Variants in CCDC141 observed in about 807,000 individuals in gnomAD.
The protein encoded by CCDC141 is coiled-coil domain containing 141, also known as coiled-coil domain-containing protein 141.
CCDC141 carries 168 observed loss-of-function variants against 181.0 expected under a neutral mutation model. That is an observed-to-expected ratio of 0.93 (90% CI 0.82 to 1.05). CCDC141 has a LOEUF of 1.05. CCDC141 is among the 50% of genes least tolerant of loss of function. The pLI is 0.00. For missense variants in CCDC141, 1,902 were observed against 1,788.5 expected, an observed-to-expected ratio of 1.06 and a Z score of -1.14; for synonymous variants, 666 against 642.3, an observed-to-expected ratio of 1.04 and a Z score of -0.56.
chr2:178,984,873 T>A (rs1374112504), intron 2 of CCDC141, among the ~76,000 whole-genome samples: 1 of 151,628 alleles, frequency 6.6e-6, no homozygotes, highest in Admixed American at 6.6e-5. Flanking sequence ...AATGGGAGAC[T>A]TTAACACCCC....
At chr2:178,875,596 G>C (rs1661298348) in intron 12 of CCDC141, 1 of 151,946 alleles carries the variant, frequency 6.6e-6, no homozygotes, top group Admixed American at 6.6e-5. Flanking sequence ...AAGAAAGAAA[G>C]AAAGAGCTCC....
the CCDC141 span, among the ~76,000 whole-genome samples, chr2:178,820,106 A>G: frequency 6.6e-6 from 1 of 152,222 alleles, no homozygotes; most frequent in African/African-American, 2.4e-5. Context: ...TTTATGTTCC[A>G]TAACACGGCA....
At chr2:178,880,876 C>G (rs1174298928) in intron 11 of CCDC141, among the ~76,000 whole-genome samples, 1 of 152,118 alleles carries the variant, frequency 6.6e-6, no homozygotes, top group African/African-American at 2.4e-5. Context: ...TGCCAAAATA[C>G]AGAAGGAAAA....
At chr2:178,838,146 C>G (rs1684568771) in intron 22 of CCDC141, among the ~76,000 whole-genome samples, 1 of 152,182 alleles carries the variant, frequency 6.6e-6, no homozygotes, top group African/African-American at 2.4e-5. Flanking sequence ...AGATGCTGAC[C>G]ATCAGAGACT....
rs1684186245 is a variant in CCDC141, at chr2:178,829,811, TA to T, written c.*4361del. The stretch of plus-strand genomic sequence containing the variant: ...AACTAACTTATTTCATGGCTGCACT[TA>T]AAATGCTGTGCATACAACAGGAGTT... On this transcript the variant is annotated 3_prime_UTR_variant, in exon 24 of 24. Coordinates refer to ENST00000443758, the MANE Select transcript of CCDC141 (RefSeq NM_173648.4). 6.6e-6 allele frequency: 1 copy of T among 152,240 alleles called. No homozygotes were observed. The highest frequency in any genetic ancestry group is 1.5e-5 in the Non-Finnish European group (1 of 68,038). The allele number at this position is 152,240 out of a possible 1,614,324, so 9.4% of individuals were successfully genotyped here.
In CCDC141 at chr2:179,010,697, T is replaced by G. The variant is rs144074160; in HGVS notation, c.226-32022A>C. ...GAAACACAACAAAACAGAACCTCTT[T>G]AAAGCATAAATCACATAGGACCTAT... On this transcript the variant is annotated intron_variant, in intron 2 of 23. Coordinates refer to ENST00000443758, the MANE Select transcript of CCDC141 (RefSeq NM_173648.4). Among the ~76,000 whole-genome samples, 39 of 152,194 alleles carry G rather than the reference T, an allele frequency of 2.6e-4. 1 individual carries two copies. The East Asian group carries it at 5.8e-3, about 23-fold the overall frequency.
chr2:179,024,249 G>A (rs1192938042), intron 2 of CCDC141, among the ~76,000 whole-genome samples: 2 of 152,186 alleles, frequency 1.3e-5, no homozygotes, highest in African/African-American at 4.8e-5. Context: ...CCTCAGAACT[G>A]TTGCAAGCAA....
rs78667890 is a variant in CCDC141 at position 178,920,381 on chromosome 2, C to T, written c.898-1474G>A. Among the ~76,000 whole-genome samples the T allele has an allele frequency of 8.8e-3, 1,342 of 152,256 alleles. 27 individuals carry two copies. The highest frequency in any genetic ancestry group is 0.031 in the African/African-American group (1,289 of 41,534). On this transcript the variant is annotated intron_variant, in intron 6 of 23. Transcript: ENST00000443758. ...TTACAAAGTAACTACTATGGTACTA[C>T]TATGTCCCCAGCACTATGCTAAGAC...
intron 5 of CCDC141, among the ~76,000 whole-genome samples, chr2:178,953,091 T>G (rs1048111586): frequency 6.6e-6 from 1 of 152,208 alleles, no homozygotes; most frequent in Admixed American, 6.5e-5. Flanking sequence ...GAGTCAAATT[T>G]GAACAACTTT....
In CCDC141 at chr2:178,845,526, T is replaced by C. The variant is rs561000949; in HGVS notation, c.3474+100A>G. The C allele has an allele frequency of 4.6e-5, 32 of 703,284 alleles. No homozygotes were observed. The East Asian group carries it at 6.0e-4, about 13-fold the overall frequency. 43.6% of individuals were successfully genotyped at this position (703,284 alleles called of 1,614,324 possible). Reference sequence around the variant, plus strand: ...TTTACACTGGGAAATTCTATTTGGATAGATAAGAAAGCTGCAATTCACTTT... The same window carrying C: ...TTTACACTGGGAAATTCTATTTGGACAGATAAGAAAGCTGCAATTCACTTT... On this transcript the variant is annotated intron_variant, in intron 22 of 23. Coordinates refer to ENST00000443758, the MANE Select transcript of CCDC141 (RefSeq NM_173648.4).
intron 8 of CCDC141, among the ~76,000 whole-genome samples, chr2:178,895,543 G>A (rs1030729148): frequency 4.6e-5 from 7 of 152,194 alleles, no homozygotes; most frequent in Non-Finnish European, 2.9e-5. Context: ...AATGGGAAGT[G>A]TGAGCTTTTG....
At chr2:178,894,380 CA>C (rs1687310565) in intron 8 of CCDC141, among the ~76,000 whole-genome samples, 1 of 151,994 alleles carries the variant, frequency 6.6e-6, no homozygotes, top group Non-Finnish European at 1.5e-5. Flanking sequence ...TCCAAAATCT[CA>C]AAACACATGA....
chr2:178,938,922 A>G (rs1445937382), intron 6 of CCDC141, among the ~76,000 whole-genome samples: 1 of 152,122 alleles, frequency 6.6e-6, no homozygotes, highest in Non-Finnish European at 1.5e-5. Context: ...CCCAGAACGT[A>G]TTCTGTTCTG....
At chr2:179,015,101 T>A (rs1289877117) in intron 2 of CCDC141, among the ~76,000 whole-genome samples, 2 of 36,458 alleles carry the variant, frequency 5.5e-5, no homozygotes, top group South Asian at 8.1e-4. Context: ...TATATATATA[T>A]ATAATATATA....
chr2:178,950,876 A>C (rs936651410), intron 5 of CCDC141, among the ~76,000 whole-genome samples: 11 of 152,170 alleles, frequency 7.2e-5, no homozygotes, highest in African/African-American at 2.7e-4. Flanking sequence ...TATGTATTTA[A>C]CTATTCTGAC....
intron 4 of CCDC141, among the ~76,000 whole-genome samples, 170 bp from the exon 5 acceptor site, chr2:178,961,653 GA>G (rs1194246091): frequency 6.6e-6 from 1 of 152,186 alleles, no homozygotes; most frequent in Admixed American, 6.5e-5. Flanking sequence ...GTACTTCAGA[GA>G]AAAAACTGGT....
chr2:179,022,338 T>C (rs2042713292), intron 2 of CCDC141, among the ~76,000 whole-genome samples: 2 of 152,150 alleles, frequency 1.3e-5, no homozygotes, highest in Non-Finnish European at 2.9e-5. Flanking sequence ...ACACATTCCC[T>C]AAGACTTGAT....
chr2:179,043,838 T>C (rs536644419), intron 2 of CCDC141, among the ~76,000 whole-genome samples: 40 of 152,088 alleles, frequency 2.6e-4, no homozygotes, highest in African/African-American at 9.6e-4. Context: ...AACAAATGAA[T>C]AGGAAGAGAG....
chr2:178,949,217 T>A (rs1190450979), intron 5 of CCDC141, among the ~76,000 whole-genome samples: 1 of 152,128 alleles, frequency 6.6e-6, no homozygotes, highest in Non-Finnish European at 1.5e-5. Context: ...AAGTCCCACT[T>A]TGGACCCCTG....
Sources: gnomAD v4.1 joint callset for allele counts (sites outside exome capture counted in the v4.1 genomes callset) on GRCh38, gnomAD v4.1.1 for gene constraint, MANE v1.5 for transcripts, NCBI Gene and HGNC (gene_info 2026-07-23, HGNC 2026-07-21) for gene names.